The following SLC25A51 variants were observed in gnomAD, a reference collection of about 807,000 sequenced individuals.
SLC25A51 encodes solute carrier family 25 member 51.
In SLC25A51, 11 loss-of-function variants were observed where a neutral mutation model predicts 19.1. The observed-to-expected ratio is 0.58, with a 90% CI of 0.36 to 0.96. The LOEUF is 0.96. Among genes scored for constraint, SLC25A51 ranks in the 40% least tolerant of loss-of-function variants. The pLI is 0.01. For missense variants in SLC25A51, 201 were observed against 365.4 expected, an observed-to-expected ratio of 0.55 and a Z score of 3.67; for synonymous variants, 105 against 133.6, an observed-to-expected ratio of 0.79 and a Z score of 1.47.
At chr9:37,894,363 G>A (rs569920978) in intron 2 of SLC25A51, among the ~76,000 whole-genome samples, 1 of 130,920 alleles carries the variant, frequency 7.6e-6, no homozygotes, top group Non-Finnish European at 1.6e-5. Flanking sequence ...GTCTTGCTTT[G>A]TTGCCCAGGC....
At chr9:37,891,567 T>C (rs915010550) in intron 2 of SLC25A51, among the ~76,000 whole-genome samples, 2 of 152,182 alleles carry the variant, frequency 1.3e-5, no homozygotes, top group African/African-American at 2.4e-5. Flanking sequence ...CCCAACCCTG[T>C]GCTCTCTGAA....
downstream of SLC25A51, chr9:37,885,633 G>A (rs151034267): frequency 3.6e-4 from 298 of 824,540 alleles, 1 homozygote; most frequent in African/African-American, 4.2e-3. Context: ...GGCGCCCAAC[G>A]TGGGCCTCAG....
chr9:37,886,105 T>C (rs1161501606), downstream of SLC25A51: 6 of 1,475,300 alleles, frequency 4.1e-6, no homozygotes, highest in East Asian at 1.4e-4. Flanking sequence ...ATACTGATGT[T>C]AGTACGCGGT....
At chr9:37,895,186 GAA>G (rs1386479716) in intron 2 of SLC25A51, among the ~76,000 whole-genome samples, 1 of 151,896 alleles carries the variant, frequency 6.6e-6, no homozygotes, top group Non-Finnish European at 1.5e-5. Context: ...TATACCATGT[GAA>G]TTGTTTTGCC....
intron 2 of SLC25A51, among the ~76,000 whole-genome samples, chr9:37,898,826 G>A (rs1023232398): frequency 3.3e-5 from 5 of 152,180 alleles, no homozygotes; most frequent in Non-Finnish European, 5.9e-5. Context: ...ATTTATTATT[G>A]TTGTACTGAA....
exon 4 of SLC25A51, chr9:37,880,420 T>G (rs1831328067): frequency 6.6e-6 from 1 of 152,036 alleles, no homozygotes; most frequent in African/African-American, 2.4e-5. Context: ...ATATACTCAT[T>G]TGGACAAAAA....
chr9:37,884,529 T>C (rs540680645), downstream of SLC25A51, among the ~76,000 whole-genome samples: 6 of 152,338 alleles, frequency 3.9e-5, no homozygotes, highest in South Asian at 2.1e-4. Flanking sequence ...GAGCCTTTTT[T>C]CCCCTCTCTT....
chr9:37,879,120 T>C, downstream of SLC25A51: 1 of 359,670 alleles, frequency 2.8e-6, no homozygotes, highest in Non-Finnish European at 5.6e-6. Flanking sequence ...CCATGTAGAC[T>C]TTGAGTAACA....
downstream of SLC25A51, among the ~76,000 whole-genome samples, chr9:37,883,902 C>T (rs1181873786): frequency 6.6e-6 from 1 of 152,200 alleles, no homozygotes; most frequent in Non-Finnish European, 1.5e-5. Flanking sequence ...TACTGCCTGG[C>T]TAATGCTTAA....
At chr9:37,886,193 C>CA, downstream of SLC25A51, 1 of 1,521,694 alleles carries the variant, frequency 6.6e-7, no homozygotes, top group Non-Finnish European at 9.1e-7. Flanking sequence ...GGTAATGCGG[C>CA]AGCCACAGAC....
chr9:37,891,571 C>T (rs10973598), intron 2 of SLC25A51, among the ~76,000 whole-genome samples: 1 of 152,142 alleles, frequency 6.6e-6, no homozygotes, highest in Non-Finnish European at 1.5e-5. Flanking sequence ...ACCCTGTGCT[C>T]TCTGAAACAT....
At chr9:37,885,604 T>A (rs1831436072), downstream of SLC25A51, 6 of 750,036 alleles carry the variant, frequency 8.0e-6, no homozygotes, top group Non-Finnish European at 1.4e-5. Context: ...AGTTTCACTC[T>A]TTTTGGCAAC....
rs1417719872 is a variant in SLC25A51, at chr9:37,890,421, TAGTC to T, written c.-42-1833_-42-1830del. ...ACAATAATTTAAAAATTAAAAATAG[TAGTC>T]AGGCGCAGTGGCTCACACTTGTCAT... On this transcript the variant is annotated intron_variant, in intron 2 of 2. Coordinates refer to ENST00000242275, the MANE Select transcript of SLC25A51 (RefSeq NM_033412.4). Among the ~76,000 whole-genome samples, 4 of 152,162 alleles carry T rather than the reference TAGTC, an allele frequency of 2.6e-5. No individual in the cohort carries two copies. In the East Asian group the frequency reaches 7.7e-4, roughly 29 times the overall value.
At chr9:37,900,940 A>G (rs1240636945) in intron 1 of SLC25A51, among the ~76,000 whole-genome samples, 2 of 152,086 alleles carry the variant, frequency 1.3e-5, no homozygotes, top group African/African-American at 2.4e-5. Flanking sequence ...CACTGCACTT[A>G]CTGCAGCCTT....
intron 2 of SLC25A51, among the ~76,000 whole-genome samples, chr9:37,888,984 G>A (rs1367724581): frequency 2.6e-5 from 4 of 152,136 alleles, no homozygotes; most frequent in Non-Finnish European, 5.9e-5. Context: ...TATTTTTCAT[G>A]AAAATGTGTT....
At chr9:37,890,158 G>C (rs922005902) in intron 2 of SLC25A51, among the ~76,000 whole-genome samples, 4 of 152,286 alleles carry the variant, frequency 2.6e-5, no homozygotes, top group African/African-American at 7.2e-5. Context: ...GCTGGGGCAG[G>C]AGGATTGCTT....
downstream of SLC25A51, chr9:37,885,581 G>C (rs571004277): frequency 1.4e-6 from 1 of 691,476 alleles, no homozygotes; most frequent in East Asian, 2.7e-5. Flanking sequence ...AGTAGAGATG[G>C]GGTTTCACTG....
downstream of SLC25A51, chr9:37,886,499 G>C: frequency 8.0e-7 from 1 of 1,242,422 alleles, no homozygotes; most frequent in Non-Finnish European, 1.1e-6. Context: ...GCTGTGACTG[G>C]GTGGGGCAGT....
chr9:37,901,549 C>G (rs1273821269), intron 1 of SLC25A51, among the ~76,000 whole-genome samples: 1 of 152,130 alleles, frequency 6.6e-6, no homozygotes, highest in African/African-American at 2.4e-5. Flanking sequence ...GTGTACTTTT[C>G]TTTGAGCAAA....
Sources: gnomAD v4.1 joint callset for allele counts (sites outside exome capture counted in the v4.1 genomes callset) on GRCh38, gnomAD v4.1.1 for gene constraint, MANE v1.5 for transcripts, NCBI Gene and HGNC (gene_info 2026-07-23, HGNC 2026-07-21) for gene names.